The following CSMD1 variants were observed in gnomAD, a reference collection of about 807,000 sequenced individuals.
CSMD1 encodes CUB and sushi domain-containing protein 1.
Under a neutral mutation model 417.5 loss-of-function variants are expected in CSMD1, and 213 were observed. The ratio of observed to expected loss-of-function variants is 0.51; its 90% CI spans 0.46 to 0.57. The LOEUF is 0.57. CSMD1 is among the 20% of genes least tolerant of loss of function. The pLI is 0.00. For missense variants in CSMD1, 6,923 were observed against 4,529.7 expected (o/e 1.53, Z -15.17); for synonymous variants, 2,862 against 1,736.8 (o/e 1.65, Z -16.11).
chr8:3,192,288 ATC>A (rs201993346), intron 33 of CSMD1, among the ~76,000 whole-genome samples: 1,970 of 152,316 alleles, frequency 0.013, 52 homozygotes, highest in African/African-American at 0.044. Flanking sequence ...AGGATCTCTT[ATC>A]TGAAACGTTT....
intron 10 of CSMD1, among the ~76,000 whole-genome samples, chr8:3,515,889 T>G (rs1797262629): frequency 6.6e-6 from 1 of 152,204 alleles, no homozygotes; most frequent in South Asian, 2.1e-4. Flanking sequence ...TAGCATATCT[T>G]GAAATAGTGT....
chr8:3,481,483 G>A (rs927561213), intron 11 of CSMD1, among the ~76,000 whole-genome samples: 1 of 152,182 alleles, frequency 6.6e-6, no homozygotes. Context: ...GTTCGCATTA[G>A]TTGTAGTAAG....
chr8:4,438,236 C>A (rs1243731361), intron 2 of CSMD1, among the ~76,000 whole-genome samples: 8 of 152,112 alleles, frequency 5.3e-5, no homozygotes, highest in African/African-American at 1.9e-4. Context: ...CAACCCAAGC[C>A]GTCTTGTTTT....
At chr8:4,581,966 G>C (rs1276481586) in intron 2 of CSMD1, among the ~76,000 whole-genome samples, 1 of 152,136 alleles carries the variant, frequency 6.6e-6, no homozygotes, top group Non-Finnish European at 1.5e-5. Flanking sequence ...GGAAGCATTT[G>C]ATGGAAGACA....
At chr8:4,234,159 G>C (rs756907425) in intron 3 of CSMD1, among the ~76,000 whole-genome samples, 1 of 152,210 alleles carries the variant, frequency 6.6e-6, no homozygotes, top group Non-Finnish European at 1.5e-5. Context: ...ACTGAGCACA[G>C]ATTCCCAGGA....
intron 3 of CSMD1, among the ~76,000 whole-genome samples, chr8:4,370,393 T>A (rs1802328050): frequency 6.6e-6 from 1 of 152,174 alleles, no homozygotes; most frequent in South Asian, 2.1e-4. Flanking sequence ...CTCACAGACC[T>A]TGGAAAATCT....
chr8:2,997,866 G>C, intron 54 of CSMD1, 145 bp downstream of exon 54: 1 of 732,636 alleles, frequency 1.4e-6, no homozygotes, highest in Non-Finnish European at 2.1e-6. Context: ...CTTACTCTCA[G>C]AAATGCTTTC....
rs114611541 is a variant in CSMD1 at position 3,741,365 on chromosome 8, C to T, written c.931+12565G>A. Among the ~76,000 whole-genome samples the T allele has an allele frequency of 7.8e-3, 1,192 of 151,872 alleles. 12 individuals carry two copies. Among genetic ancestry groups the T allele is most frequent in the Middle Eastern group, 0.034 (10 of 292 alleles). On this transcript the variant is annotated intron_variant, in intron 6 of 69. Coordinates refer to ENST00000635120, the MANE Select transcript of CSMD1 (RefSeq NM_033225.6). ...GAAGTTTGACAGTGAGAGGGGAGAC[C>T]GAAGGGGAATGTATCACAGGATGGC...
At chr8:3,944,437 A>G (rs1414070000) in intron 5 of CSMD1, among the ~76,000 whole-genome samples, 1 of 152,174 alleles carries the variant, frequency 6.6e-6, no homozygotes, top group Admixed American at 6.6e-5. Flanking sequence ...CAACTGATAA[A>G]ATAAGCCTTT....
chr8:4,070,636 C>T (rs568874065), intron 3 of CSMD1, among the ~76,000 whole-genome samples: 2 of 152,100 alleles, frequency 1.3e-5, no homozygotes, highest in Admixed American at 6.6e-5. Flanking sequence ...GGATTACAGG[C>T]GTGAGCCACC....
chr8:3,092,226 A>G (rs904239069), intron 47 of CSMD1, among the ~76,000 whole-genome samples: 4 of 152,218 alleles, frequency 2.6e-5, no homozygotes, highest in African/African-American at 9.6e-5. Context: ...AGATTCCATG[A>G]AAAAGAATTA....
rs1341155199 is a variant in CSMD1, at chr8:3,838,725, TTAA to T, written c.819-84686_819-84684del. Among the ~76,000 whole-genome samples the T allele has an allele frequency of 1.5e-4, 13 of 84,150 alleles. 2 individuals carry two copies. The highest frequency in any genetic ancestry group is 2.6e-4 in the Non-Finnish European group (13 of 50,582). 55.2% of individuals were successfully genotyped at this position (84,150 alleles called of 152,430 possible). On this transcript the variant is annotated intron_variant, in intron 5 of 69. Coordinates refer to ENST00000635120, the MANE Select transcript of CSMD1 (RefSeq NM_033225.6). The stretch of plus-strand genomic sequence containing the variant: ...ATTATATAGTATAATATATAATAAA[TTAA>T]TATTATATAGTATAATATATAATAA...
chr8:3,203,943 C>T (rs957644966), intron 31 of CSMD1, among the ~76,000 whole-genome samples: 2 of 152,228 alleles, frequency 1.3e-5, no homozygotes, highest in Non-Finnish European at 2.9e-5. Context: ...CCTCACCCCT[C>T]ACCATAAGCC....
chr8:4,469,921 G>A (rs1415251241), intron 2 of CSMD1, among the ~76,000 whole-genome samples: 1 of 151,334 alleles, frequency 6.6e-6, no homozygotes, highest in Non-Finnish European at 1.5e-5. Flanking sequence ...TGGCTGGAGT[G>A]CAGTGGTGTG....
chr8:4,409,907 G>A lies in CSMD1; in HGVS notation c.415+10046C>T, dbSNP rs190452240. On this transcript the variant is annotated intron_variant, in intron 3 of 69. Coordinates refer to ENST00000635120, the MANE Select transcript of CSMD1 (RefSeq NM_033225.6). Reference sequence around the variant, plus strand: ...TGGCTCACTGCAACCTCCGCCTCCTGGGTTCAAATGATTCTCCTGCCTCAG... The same window carrying A: ...TGGCTCACTGCAACCTCCGCCTCCTAGGTTCAAATGATTCTCCTGCCTCAG... 9.1e-4 allele frequency among the ~76,000 whole-genome samples: 138 copies of A among 152,134 alleles called. 1 individual carries two copies. The East Asian group carries it at 0.023, about 25-fold the overall frequency.
At chr8:4,751,666 A>C (rs2117051623) in intron 1 of CSMD1, among the ~76,000 whole-genome samples, 1 of 152,286 alleles carries the variant, frequency 6.6e-6, no homozygotes, top group Admixed American at 6.5e-5. Context: ...GAATTATTTT[A>C]ACATTTTTAA....
At chr8:4,612,433 A>G (rs1301599216) in intron 2 of CSMD1, among the ~76,000 whole-genome samples, 1 of 152,218 alleles carries the variant, frequency 6.6e-6, no homozygotes, top group Non-Finnish European at 1.5e-5. Context: ...GGAAAATAAT[A>G]GGGAAGATGC....
intron 7 of CSMD1, among the ~76,000 whole-genome samples, chr8:3,664,224 C>T (rs961978386): frequency 4.6e-5 from 7 of 152,116 alleles, no homozygotes; most frequent in African/African-American, 1.4e-4. Context: ...GATGTTCCCC[C>T]ACTCTGTGTT....
intron 7 of CSMD1, among the ~76,000 whole-genome samples, chr8:3,664,910 A>T (rs2624091): frequency 0.76 from 115,021 of 152,038 alleles, 44,068 homozygotes; most frequent in African/African-American, 0.86. Flanking sequence ...ATACATCACA[A>T]TTTCTCAGGG....
Sources: allele counts gnomAD v4.1 joint callset (sites outside exome capture counted in the v4.1 genomes callset), GRCh38; gene constraint gnomAD v4.1.1; transcripts MANE v1.5; gene names NCBI Gene and HGNC (gene_info 2026-07-23, HGNC 2026-07-21).